The following CTNND2 variants were observed in gnomAD, a reference collection of about 807,000 sequenced individuals.
CTNND2 encodes catenin delta 2, also known as catenin delta-2.
CTNND2 carries 22 observed loss-of-function variants against 144.4 expected under a neutral mutation model. The ratio of observed to expected loss-of-function variants is 0.15; its 90% CI spans 0.11 to 0.22. The LOEUF (loss-of-function observed/expected upper bound fraction) is 0.22, where lower values mean the gene tolerates loss of function less well. Among genes scored for constraint, CTNND2 ranks in the 10% least tolerant of loss-of-function variants. CTNND2 has a pLI of 1.00. For missense variants in CTNND2, 1,353 were observed against 1,618.8 expected, an observed-to-expected ratio of 0.84 and a Z score of 2.82; for synonymous variants, 751 against 695.6, an observed-to-expected ratio of 1.08 and a Z score of -1.25.
At chr5:11,291,323 A>G (rs913217552) in intron 9 of CTNND2, among the ~76,000 whole-genome samples, 6 of 151,726 alleles carry the variant, frequency 4.0e-5, no homozygotes. Context: ...GTAAATCTGA[A>G]TTTCCTTCTC....
intron 11 of CTNND2, among the ~76,000 whole-genome samples, chr5:11,182,216 AGT>A (rs926277201): frequency 2.5e-4 from 30 of 118,492 alleles, no homozygotes; most frequent in Middle Eastern, 6.2e-3. Flanking sequence ...GTGTGTGTGT[AGT>A]GTGTGTGTGG....
intron 11 of CTNND2, among the ~76,000 whole-genome samples, chr5:11,163,308 G>A (rs1221429882): frequency 6.6e-6 from 1 of 152,192 alleles, no homozygotes; most frequent in Non-Finnish European, 1.5e-5. Context: ...CTTATAGAGA[G>A]ACCAGCATGG....
At chr5:11,719,703 T>C (rs1786549526) in intron 2 of CTNND2, among the ~76,000 whole-genome samples, 1 of 152,148 alleles carries the variant, frequency 6.6e-6, no homozygotes, top group Admixed American at 6.5e-5. Flanking sequence ...GAGAAGACCT[T>C]AGTTCATTTA....
chr5:11,833,046 T>C (rs1793990614), intron 1 of CTNND2, among the ~76,000 whole-genome samples: 1 of 152,230 alleles, frequency 6.6e-6, no homozygotes, highest in African/African-American at 2.4e-5. Flanking sequence ...CCTGGAATCT[T>C]GGAAATGGAA....
rs550933187 is a variant in CTNND2, at chr5:11,156,923, C to T, written c.2159+2653G>A. ...TCTGGAAGCAAATTTAAGGAACCAACAGAGAGGAAAGTGTTGCCCCGTCAG... is the reference window on the plus strand; with the variant it reads ...TCTGGAAGCAAATTTAAGGAACCAATAGAGAGGAAAGTGTTGCCCCGTCAG... On this transcript the variant is annotated intron_variant, in intron 12 of 21. Coordinates refer to ENST00000304623, the MANE Select transcript of CTNND2 (RefSeq NM_001332.4). 2.6e-5 allele frequency among the ~76,000 whole-genome samples: 4 copies of T among 152,308 alleles called. No homozygotes were observed. The South Asian group carries it at 8.3e-4, about 32-fold the overall frequency.
intron 12 of CTNND2, among the ~76,000 whole-genome samples, chr5:11,133,284 C>A (rs566886856): frequency 4.6e-5 from 7 of 152,128 alleles, no homozygotes; most frequent in East Asian, 1.9e-4. Context: ...TTATTATGCA[C>A]CTTACTGTCT....
chr5:11,242,617 C>T (rs1320863506), intron 9 of CTNND2, among the ~76,000 whole-genome samples: 1 of 152,156 alleles, frequency 6.6e-6, no homozygotes, highest in Non-Finnish European at 1.5e-5. Flanking sequence ...ACAGTCCCCA[C>T]AACAAAGAAT....
Position 11,520,681 on chromosome 5 carries a change from C to T in CTNND2, c.287+44263G>A, listed in dbSNP as rs993907955. On this transcript the variant is annotated intron_variant, in intron 3 of 21. Transcript: ENST00000304623. ...CCTAGATTGGCCTTGAATTGTGGCCCTCATCCAGGCATTTGGCTGCCTTCA... is the reference window on the plus strand; with the variant it reads ...CCTAGATTGGCCTTGAATTGTGGCCTTCATCCAGGCATTTGGCTGCCTTCA... Among the ~76,000 whole-genome samples the T allele has an allele frequency of 3.9e-5, 6 of 152,198 alleles. 1 individual carries two copies. The highest frequency in any genetic ancestry group is 1.5e-5 in the Non-Finnish European group (1 of 68,032).
chr5:11,470,980 A>ATATATTT (rs1219093645), intron 3 of CTNND2, among the ~76,000 whole-genome samples: 4 of 91,582 alleles, frequency 4.4e-5, no homozygotes, highest in African/African-American at 2.3e-4. Flanking sequence ...ATATATATAT[A>ATATATTT]TTTTTTTTTT....
intron 1 of CTNND2, among the ~76,000 whole-genome samples, chr5:11,830,055 G>A (rs1192852541): frequency 6.6e-6 from 1 of 152,184 alleles, no homozygotes; most frequent in Non-Finnish European, 1.5e-5. Context: ...TAACCCCTTT[G>A]TTTTGACAAA....
Position 11,382,841 on chromosome 5 carries a change from C to T in CTNND2, c.1177+1824G>A, listed in dbSNP as rs187408189. The stretch of plus-strand genomic sequence containing the variant: ...TCGAATGGTATCAAGCACACGAAAT[C>T]AGGCATGGAGGTCTTGGAGTTGCAA... On this transcript the variant is annotated intron_variant, in intron 7 of 21. Transcript: ENST00000304623. Among the ~76,000 whole-genome samples, 19 of 152,230 alleles carry T rather than the reference C, an allele frequency of 1.2e-4. No individual in the cohort carries two copies. In the East Asian group the frequency reaches 3.7e-3, roughly 30 times the overall value.
At chr5:11,182,990 T>A (rs935419473) in intron 11 of CTNND2, among the ~76,000 whole-genome samples, 1 of 152,226 alleles carries the variant, frequency 6.6e-6, no homozygotes, top group Non-Finnish European at 1.5e-5. Context: ...TCACTAAGCA[T>A]GTGGCTTATC....
intron 9 of CTNND2, among the ~76,000 whole-genome samples, chr5:11,334,909 G>C (rs2149721576): frequency 6.6e-6 from 1 of 152,300 alleles, no homozygotes; most frequent in African/African-American, 2.4e-5. Flanking sequence ...ATACTGAAAA[G>C]GTACAATAAT....
chr5:11,693,803 T>G (rs999558677), intron 2 of CTNND2, among the ~76,000 whole-genome samples: 13 of 152,228 alleles, frequency 8.5e-5, no homozygotes, highest in Admixed American at 7.9e-4. Flanking sequence ...ATAAAGTCAA[T>G]GATAACACTG....
intron 1 of CTNND2, among the ~76,000 whole-genome samples, chr5:11,820,421 T>C (rs555390096): frequency 6.6e-6 from 1 of 152,318 alleles, no homozygotes; most frequent in East Asian, 1.9e-4. Flanking sequence ...TGCAATACTT[T>C]AATACTTAGA....
intron 3 of CTNND2, among the ~76,000 whole-genome samples, chr5:11,471,374 C>T (rs1301852851): frequency 2.0e-5 from 3 of 152,082 alleles, no homozygotes; most frequent in Non-Finnish European, 4.4e-5. Context: ...TGAATGTAAA[C>T]ACATTTGAAT....
In CTNND2 at chr5:11,904,429, G is replaced by C. The variant is rs554114817; in HGVS notation, c.-576C>G. On this transcript the variant is annotated 5_prime_UTR_variant, in exon 1 of 22. Transcript: ENST00000304623. This position sits in a 1 kb window ranked among gnomAD's most constrained non-coding sequence, Gnocchi z 4.2. Reference sequence around the variant, plus strand: ...GTGAGGGAGCGTCCGCCCCGCCGCCGAAACCGGCCCCGGGTGCGGAGCATG... The same window carrying C: ...GTGAGGGAGCGTCCGCCCCGCCGCCCAAACCGGCCCCGGGTGCGGAGCATG... Among the ~76,000 whole-genome samples the C allele has an allele frequency of 1.9e-4, 29 of 151,924 alleles. No individual in the cohort carries two copies. Among genetic ancestry groups the C allele is most frequent in the South Asian group, 1.5e-3 (7 of 4,826 alleles).
At chr5:11,052,066 C>A (rs1672910249) in intron 16 of CTNND2, among the ~76,000 whole-genome samples, 1 of 152,016 alleles carries the variant, frequency 6.6e-6, no homozygotes, top group Non-Finnish European at 1.5e-5. Context: ...AGCAGAGAGT[C>A]CATCATGCTT....
At chr5:11,404,893 A>G (rs956076182) in intron 5 of CTNND2, among the ~76,000 whole-genome samples, 2 of 151,768 alleles carry the variant, frequency 1.3e-5, no homozygotes, top group Admixed American at 1.3e-4. Context: ...TGCAGGCATG[A>G]GCCACTGTGC....
Sources: allele counts gnomAD v4.1 joint callset (sites outside exome capture counted in the v4.1 genomes callset), GRCh38; gene constraint gnomAD v4.1.1; non-coding constraint Gnocchi (gnomAD v3.1); transcripts MANE v1.5; gene names NCBI Gene and HGNC (gene_info 2026-07-23, HGNC 2026-07-21).